TASOR: variants seen among roughly 807,000 people sequenced by gnomAD.
TASOR encodes transcription activation suppressor.
TASOR carries 53 observed loss-of-function variants against 178.6 expected under a neutral mutation model. The observed-to-expected ratio is 0.30, with a 90% CI of 0.24 to 0.37. The LOEUF (loss-of-function observed/expected upper bound fraction) is 0.37, where lower values mean the gene tolerates loss of function less well. Among genes scored for constraint, TASOR ranks in the 10% least tolerant of loss-of-function variants. The probability of loss-of-function intolerance (pLI) is 1.00; values close to 1 mark genes in which losing one functional copy is unlikely to be tolerated. For missense variants in TASOR, 1,815 were observed against 1,971.4 expected, an observed-to-expected ratio of 0.92 and a Z score of 1.50; for synonymous variants, 713 against 696.2, an observed-to-expected ratio of 1.02 and a Z score of -0.38.
Position 56,666,370 on chromosome 3 carries a change from C to T in TASOR, c.912G>A (p.Glu304=), listed in dbSNP as rs1271156258. ...TTCGCCTTAGCTCATCAAAGCCATACTCATAAAAATAATACTAAAAATAAG... is the reference window on the plus strand; with the variant it reads ...TTCGCCTTAGCTCATCAAAGCCATATTCATAAAAATAATACTAAAAATAAG... ...AYELTQYYFY[E]YGFDELRRRP... Residue 304 remains glutamate, a synonymous_variant, in exon 7 of 24, where the codon GAG becomes GAA. Coordinates refer to ENST00000683822, the MANE Select transcript of TASOR (RefSeq NM_001365635.2). 1.5e-5 allele frequency: 22 copies of T among 1,509,650 alleles called. No homozygotes were observed. The highest frequency in any genetic ancestry group is 1.9e-5 in the Non-Finnish European group (22 of 1,130,196). 93.5% of individuals were successfully genotyped at this position (1,509,650 alleles called of 1,614,324 possible). A position where few individuals can be genotyped will look rare whatever the true frequency, so the allele number is the denominator to read the frequency against.
At chr3:56,655,483 C>T (rs2077450468) in intron 11 of TASOR, among the ~76,000 whole-genome samples, 1 of 152,010 alleles carries the variant, frequency 6.6e-6, no homozygotes, top group Non-Finnish European at 1.5e-5. Flanking sequence ...TAAAATAGAA[C>T]AGGCTGGGCA....
At chr3:56,628,155 G>C (rs951900689) in intron 19 of TASOR, among the ~76,000 whole-genome samples, 1 of 152,220 alleles carries the variant, frequency 6.6e-6, no homozygotes, top group Admixed American at 6.5e-5. Context: ...GGGAAAAGGG[G>C]ACTGGTCTGG....
chr3:56,643,156 C>T lies in TASOR; in HGVS notation c.2216-1404G>A, dbSNP rs915408917. On this transcript the variant is annotated intron_variant, in intron 14 of 23. Transcript: ENST00000683822. Reference sequence around the variant, plus strand: ...GCACACGCCTGTAATCCCAGCTACTCGGAAGGCTGAGATAGGAGAATCGCT... The same window carrying T: ...GCACACGCCTGTAATCCCAGCTACTTGGAAGGCTGAGATAGGAGAATCGCT... Among the ~76,000 whole-genome samples, 142 of 140,740 alleles carry T rather than the reference C, an allele frequency of 1.0e-3. 1 individual carries two copies. In the Admixed American group the frequency reaches 0.01, roughly 10 times the overall value. The allele number at this position is 140,740 out of a possible 152,430, so 92.3% of individuals were successfully genotyped here.
At chr3:56,676,576 G>A (rs2031317574) in intron 1 of TASOR, among the ~76,000 whole-genome samples, 1 of 152,002 alleles carries the variant, frequency 6.6e-6, no homozygotes, top group Non-Finnish European at 1.5e-5. Context: ...TTAAAAGTTG[G>A]GTTTTACACG....
intron 17 of TASOR, among the ~76,000 whole-genome samples, chr3:56,637,585 C>CTTT (rs55907625): frequency 3.6e-4 from 53 of 146,844 alleles, no homozygotes; most frequent in Admixed American, 1.3e-3. Flanking sequence ...TTCATGGTTT[C>CTTT]TTTTTTTTTT....
intron 14 of TASOR, among the ~76,000 whole-genome samples, chr3:56,643,649 GGAGGCT>G (rs1024390767): frequency 6.6e-6 from 1 of 151,970 alleles, no homozygotes; most frequent in African/African-American, 2.4e-5. Flanking sequence ...CAGCTACTCG[GGAGGCT>G]GAGGCAAGAG....
Position 56,623,554 on chromosome 3 carries a change from T to C in TASOR, c.4496A>G (p.Asn1499Ser), listed in dbSNP as rs1355414274. The C allele has an allele frequency of 1.7e-5, 27 of 1,571,446 alleles. No individual in the cohort carries two copies. Among genetic ancestry groups the C allele is most frequent in the Non-Finnish European group, 2.3e-5 (27 of 1,167,492 alleles). ...NLESQSALLE[N>S]DEKDEEDMSL... ...CATATCCTCTTCATCCTTTTCATCG[T>C]TTTCTAAAAGAGCTACATTTAAAAA... Residue 1499 changes from asparagine (N) to serine (S), a missense_variant, in exon 24 of 24, where the codon AAC becomes AGC. Transcript: ENST00000683822.
intron 1 of TASOR, among the ~76,000 whole-genome samples, chr3:56,675,984 G>A (rs1025772609): frequency 2.6e-5 from 4 of 151,940 alleles, no homozygotes; most frequent in African/African-American, 9.7e-5. Flanking sequence ...AACTGTGCAC[G>A]AAAAAAATAG....
At chr3:56,654,707 C>A (rs1011350344) in intron 11 of TASOR, among the ~76,000 whole-genome samples, 1 of 152,170 alleles carries the variant, frequency 6.6e-6, no homozygotes, top group African/African-American at 2.4e-5. Context: ...CAAACCCTAA[C>A]CCCCACAACA....
Position 56,673,723 on chromosome 3 carries a change from G to A in TASOR, c.334C>T (p.Leu112Phe). The A allele has an allele frequency of 6.5e-7, 1 of 1,538,628 alleles. No homozygotes were observed. The highest frequency in any genetic ancestry group is 2.5e-5 in the East Asian group (1 of 40,676). Reference sequence around the variant, plus strand: ...GAGCCTGGAGTTAATGGCTGGAAAAGTGCTAAAATAAAAAAACAAACATTT... The same window carrying A: ...GAGCCTGGAGTTAATGGCTGGAAAAATGCTAAAATAAAAAAACAAACATTT... ...IPRKSREKKA[L>F]FQPLTPGSRE... The change falls in exon 2 of 24, where the codon CTT (leucine) becomes TTT (phenylalanine). Residue 112 changes from leucine (L) to phenylalanine (F), a missense_variant and splice_region_variant. Leu to Phe is a conservative substitution (Grantham distance 22, BLOSUM62 0). Coordinates refer to ENST00000683822, the MANE Select transcript of TASOR (RefSeq NM_001365635.2).
chr3:56,625,943 T>C (rs1488431894), intron 21 of TASOR, among the ~76,000 whole-genome samples: 1 of 152,140 alleles, frequency 6.6e-6, no homozygotes, highest in Non-Finnish European at 1.5e-5. Context: ...GTTTCTATAT[T>C]GCAAGGGACA....
intron 11 of TASOR, among the ~76,000 whole-genome samples, chr3:56,657,263 G>C (rs2077492264): frequency 1.3e-5 from 2 of 148,662 alleles, no homozygotes; most frequent in African/African-American, 5.0e-5. Context: ...AGGAGGCAGA[G>C]ATTGCAGTGA....
At chr3:56,628,421 TG>T in intron 19 of TASOR, 70 bp downstream of exon 19, 1 of 1,349,290 alleles carries the variant, frequency 7.4e-7, no homozygotes, top group Non-Finnish European at 1.0e-6. Flanking sequence ...AACACTAGTC[TG>T]GCAGACAGTA....
chr3:56,627,106 C>G lies in TASOR; in HGVS notation c.4070G>C (p.Ser1357Thr), dbSNP rs1578185107. The change falls in exon 21 of 24, where the codon AGT becomes ACT. Residue 1357 changes from serine (S) to threonine (T), a missense_variant. Physicochemically the swap from Ser to Thr is moderately conservative, Grantham distance 58. Coordinates refer to ENST00000683822, the MANE Select transcript of TASOR (RefSeq NM_001365635.2). ...KNFLTFLEEL[S>T]TPEGKWQWKV... ...CCATTGCCATTTTCCTTCTGGAGTA[C>G]TAAGTTCCTCAAGGAATGTCAAAAA... 6.2e-7 allele frequency: 1 copy of G among 1,612,382 alleles called. No homozygotes were observed. Among genetic ancestry groups the G allele is most frequent in the African/African-American group, 1.3e-5 (1 of 74,944 alleles).
intron 14 of TASOR, among the ~76,000 whole-genome samples, chr3:56,645,119 C>T (rs1284264094): frequency 3.9e-5 from 6 of 152,108 alleles, no homozygotes; most frequent in Non-Finnish European, 8.8e-5. Flanking sequence ...ACTAAAGATA[C>T]AAAAATTAGC....
Position 56,621,622 on chromosome 3 carries a change from T to A in TASOR, c.*1415A>T. 1 of 1,579,478 alleles carries A rather than the reference T, an allele frequency of 6.3e-7. No individual in the cohort carries two copies. Among genetic ancestry groups the A allele is most frequent in the Non-Finnish European group, 8.6e-7 (1 of 1,156,730 alleles). Reference sequence around the variant, plus strand: ...GAGTTTTGGTTCTTCATTTTAAATGTAGAAAATCAAATCCTTCACATTTGA... The same window carrying A: ...GAGTTTTGGTTCTTCATTTTAAATGAAGAAAATCAAATCCTTCACATTTGA... On this transcript the variant is annotated 3_prime_UTR_variant, in exon 24 of 24. Transcript: ENST00000683822.
Position 56,670,106 on chromosome 3 carries a change from A to T in TASOR, c.610T>A (p.Ser204Thr). 1 of 1,542,244 alleles carries T rather than the reference A, an allele frequency of 6.5e-7. No individual in the cohort carries two copies. The highest frequency in any genetic ancestry group is 8.7e-7 in the Non-Finnish European group (1 of 1,143,056). ...ICEKGLHVGQ[S>T]KITILGSPSM... Reference sequence around the variant, plus strand: ...GGACTGCCAAGAATTGTTATTTTGGACTGACCCACATGTAATCCTTTTTCA... The same window carrying T: ...GGACTGCCAAGAATTGTTATTTTGGTCTGACCCACATGTAATCCTTTTTCA... The change falls in exon 4 of 24, where the codon TCC becomes ACC. Residue 204 changes from serine (S) to threonine (T), a missense_variant. Coordinates refer to ENST00000683822, the MANE Select transcript of TASOR (RefSeq NM_001365635.2).
chr3:56,636,298 A>AT, intron 17 of TASOR, among the ~76,000 whole-genome samples: 1 of 151,942 alleles, frequency 6.6e-6, no homozygotes. Context: ...AAATAGAAAA[A>AT]AAAAACAAAA....
intron 17 of TASOR, 146 bp from the exon 18 acceptor site, chr3:56,634,112 G>A (rs2076970519): frequency 1.4e-6 from 1 of 689,700 alleles, no homozygotes. Context: ...TAAAATTCTG[G>A]TATGAATTCT....
Sources: allele counts gnomAD v4.1 joint callset (sites outside exome capture counted in the v4.1 genomes callset), GRCh38; gene constraint gnomAD v4.1.1; transcripts MANE v1.5; gene names NCBI Gene and HGNC (gene_info 2026-07-23, HGNC 2026-07-21).